The following BNIP3L variants were observed in gnomAD, a reference collection of about 807,000 sequenced individuals.
BNIP3L encodes BCL2 interacting protein 3 like.
BNIP3L carries 10 observed loss-of-function variants against 25.5 expected under a neutral mutation model. The ratio of observed to expected loss-of-function variants is 0.39; its 90% confidence interval spans 0.24 to 0.67. The LOEUF (loss-of-function observed/expected upper bound fraction) is 0.67. Among genes scored for constraint, BNIP3L ranks in the 30% least tolerant of loss-of-function variants. The probability of loss-of-function intolerance (pLI) is 0.45; values close to 1 mark genes in which losing one functional copy is unlikely to be tolerated. For synonymous variants in BNIP3L, 113 were observed against 101.2 expected, an observed-to-expected ratio of 1.12 and a Z score of -0.70; for missense variants, 215 against 270.9, an observed-to-expected ratio of 0.79 and a Z score of 1.45.
chr8:26,385,881 CTG>C (rs1263225306), intron 1 of BNIP3L, among the ~76,000 whole-genome samples: 2 of 152,184 alleles, frequency 1.3e-5, no homozygotes, highest in East Asian at 3.9e-4. Flanking sequence ...GCCTCTCACT[CTG>C]TTCGTTTTTT....
chr8:26,390,553 A>C, intron 1 of BNIP3L: 2 of 984,380 alleles, frequency 2.0e-6, no homozygotes, highest in Non-Finnish European at 2.4e-6. Context: ...AAGGACTAGA[A>C]AGCCTGAGAT....
Position 26,412,805 on chromosome 8 carries a change from T to C in BNIP3L, c.*2393T>C, listed in dbSNP as rs1806660012. 1 of 152,662 alleles carries C rather than the reference T, an allele frequency of 6.6e-6. No individual in the cohort carries two copies. 9.5% of individuals were successfully genotyped at this position (152,662 alleles called of 1,614,324 possible). A position where few individuals can be genotyped will look rare whatever the true frequency, so the allele number is the denominator to read the frequency against. ...AAAAAGGCAGGCTTCATTTTTCATA[T>C]GTTTGATGAAAACTGGCTCAAGATG... On this transcript the variant is annotated 3_prime_UTR_variant, in exon 6 of 6. Transcript: ENST00000380629.
chr8:26,387,620 G>A (rs75229113), intron 1 of BNIP3L, among the ~76,000 whole-genome samples: 2 of 152,288 alleles, frequency 1.3e-5, no homozygotes, highest in Non-Finnish European at 2.9e-5. Flanking sequence ...ATCTATTGAG[G>A]AAGACACATT....
In BNIP3L at chr8:26,412,358, A is replaced by G. The variant is rs553040163; in HGVS notation, c.*1946A>G. ...ACTGCTACAGTATGCAATTTCTATT[A>G]CAATTGGTATTACAGGGGGGAAAAG... is the stretch of plus-strand genomic sequence containing the variant. On this transcript the variant is annotated 3_prime_UTR_variant, in exon 6 of 6. Coordinates refer to ENST00000380629, the MANE Select transcript of BNIP3L (RefSeq NM_004331.3). 1.3e-5 allele frequency: 2 copies of G among 152,334 alleles called. No individual in the cohort carries two copies. Among genetic ancestry groups the G allele is most frequent in the Admixed American group, 1.3e-4 (2 of 15,278 alleles). The allele number at this position is 152,334 out of a possible 1,614,324, so 9.4% of individuals were successfully genotyped here. A position where few individuals can be genotyped will look rare whatever the true frequency, so the allele number is the denominator to read the frequency against.
chr8:26,396,661 C>T lies in BNIP3L; in HGVS notation c.357+1359C>T, dbSNP rs1477223491. Among the ~76,000 whole-genome samples the T allele has an allele frequency of 4.6e-5, 7 of 151,284 alleles. 1 individual carries two copies. In the South Asian group the frequency reaches 1.1e-3, roughly 23 times the overall value. ...CGAGCTGAGAGAAGAAGGCTTCAGA[C>T]GATCAAATTAGAGTGAGCTACGGGA... On this transcript the variant is annotated intron_variant, in intron 3 of 5. Coordinates refer to ENST00000380629, the MANE Select transcript of BNIP3L (RefSeq NM_004331.3).
At chr8:26,395,371 C>A in intron 3 of BNIP3L, 69 bp downstream of exon 3, 1 of 1,514,540 alleles carries the variant, frequency 6.6e-7, no homozygotes, top group Non-Finnish European at 9.1e-7. Flanking sequence ...GTATATTTTG[C>A]TAAAATAAAT....
At chr8:26,384,172 T>G (rs1485459082) in intron 1 of BNIP3L, among the ~76,000 whole-genome samples, 1 of 152,214 alleles carries the variant, frequency 6.6e-6, no homozygotes, top group East Asian at 1.9e-4. Flanking sequence ...TTGCCTAACC[T>G]TTCTTTAATT....
chr8:26,405,669 C>A (rs1299324491), intron 3 of BNIP3L, among the ~76,000 whole-genome samples: 1 of 152,232 alleles, frequency 6.6e-6, no homozygotes, highest in East Asian at 1.9e-4. Flanking sequence ...TTGAGTGAAT[C>A]CTAGTCAAAC....
intron 3 of BNIP3L, among the ~76,000 whole-genome samples, chr8:26,407,260 A>T (rs944786576): frequency 6.8e-6 from 1 of 148,040 alleles, no homozygotes; most frequent in African/African-American, 2.5e-5. Context: ...ATCTCTGCTC[A>T]CTGCAAGCTC....
At chr8:26,389,501 A>G (rs1806059541) in intron 1 of BNIP3L, among the ~76,000 whole-genome samples, 1 of 152,180 alleles carries the variant, frequency 6.6e-6, no homozygotes, top group African/African-American at 2.4e-5. Flanking sequence ...GAATGAGGCC[A>G]TGGAGATGTT....
intron 3 of BNIP3L, among the ~76,000 whole-genome samples, chr8:26,401,620 A>G (rs1806384879): frequency 6.6e-6 from 1 of 151,896 alleles, no homozygotes; most frequent in Middle Eastern, 3.4e-3. Flanking sequence ...AAAAAAAAAA[A>G]AAGACCACAG....
At position 26,408,248 on chromosome 8, in the gene BNIP3L, T is replaced by C. The variant is rs1379042656; in HGVS notation, c.483T>C (p.Pro161=). The C allele has an allele frequency of 1.9e-6, 3 of 1,614,144 alleles. No individual in the cohort carries two copies. The Admixed American group carries it at 5.0e-5, about 27-fold the overall frequency. Residue 161 remains proline, a synonymous_variant, in exon 5 of 6, where the codon CCT becomes CCC. Transcript: ENST00000380629. ...IPPKEFHFRH[P]KRSVSLSMRK... The stretch of plus-strand genomic sequence containing the variant: ...TCAGGGAGTTCCACTTCAGACACCC[T>C]AAACGTTCTGTGTCTTTAAGCATGA...
At chr8:26,395,382 G>A in intron 3 of BNIP3L, 80 bp downstream of exon 3, 1 of 1,429,018 alleles carries the variant, frequency 7.0e-7, no homozygotes, top group Non-Finnish European at 9.7e-7. Flanking sequence ...TAAAATAAAT[G>A]TGAAGACTTT....
At chr8:26,391,173 A>G (rs1806100683) in intron 1 of BNIP3L, 70 bp from the exon 2 acceptor site, 2 of 1,326,822 alleles carry the variant, frequency 1.5e-6, no homozygotes, top group South Asian at 1.6e-5. Flanking sequence ...TGGATTCACC[A>G]TGTTCACATC....
chr8:26,385,799 G>C (rs1489269385), intron 1 of BNIP3L, among the ~76,000 whole-genome samples: 1 of 152,188 alleles, frequency 6.6e-6, no homozygotes, highest in Non-Finnish European at 1.5e-5. Context: ...TAGATAGAAA[G>C]TATTTTGTGT....
rs1051202911 is a variant in BNIP3L at position 26,411,127 on chromosome 8, A to G, written c.*715A>G. 6.6e-6 allele frequency: 1 copy of G among 152,378 alleles called. No individual in the cohort carries two copies. Among genetic ancestry groups the G allele is most frequent in the Admixed American group, 6.6e-5 (1 of 15,238 alleles). 9.4% of individuals were successfully genotyped at this position (152,378 alleles called of 1,614,324 possible). ...GCAGATTTTCATACTAGTATGTTGT[A>G]ATGCTGTCTTTTCTATGGTGTAGAA... On this transcript the variant is annotated 3_prime_UTR_variant, in exon 6 of 6. Coordinates refer to ENST00000380629, the MANE Select transcript of BNIP3L (RefSeq NM_004331.3).
chr8:26,407,997 C>T lies in BNIP3L; in HGVS notation c.358-3C>T. 1 of 1,612,164 alleles carries T rather than the reference C, an allele frequency of 6.2e-7. No homozygotes were observed. The highest frequency in any genetic ancestry group is 8.5e-7 in the Non-Finnish European group (1 of 1,178,246). ...TTCTTAAAGTTTGAATTCTTCTTTA[C>T]AGTCAGAAGAAGAAGTTGTAGAAGG... On this transcript the variant is annotated splice_polypyrimidine_tract_variant and splice_region_variant and intron_variant, in intron 3 of 5. Transcript: ENST00000380629.
At chr8:26,390,460 G>A in intron 1 of BNIP3L, 1 of 985,142 alleles carries the variant, frequency 1.0e-6, no homozygotes. Context: ...AGGGTTTAAT[G>A]AAAACCCTAG....
At chr8:26,403,276 G>A (rs190759176) in intron 3 of BNIP3L, among the ~76,000 whole-genome samples, 1 of 152,160 alleles carries the variant, frequency 6.6e-6, no homozygotes, top group East Asian at 1.9e-4. Flanking sequence ...CTTTGACATT[G>A]CCTTTTTTTA....
Sources: allele counts gnomAD v4.1 joint callset (sites outside exome capture counted in the v4.1 genomes callset), GRCh38; gene constraint gnomAD v4.1.1; transcripts MANE v1.5; gene names NCBI Gene and HGNC (gene_info 2026-07-23, HGNC 2026-07-21).